NRXN3: variants seen among roughly 807,000 people sequenced by gnomAD.
NRXN3 encodes the protein neurexin 3.
In NRXN3, 32 loss-of-function variants were observed where a neutral mutation model predicts 137.6. The ratio of observed to expected loss-of-function variants is 0.23; its 90% CI spans 0.18 to 0.31. The LOEUF is 0.31. Ranked by LOEUF, NRXN3 falls within the 10% of genes least tolerant of loss-of-function variation. The probability of loss-of-function intolerance (pLI) is 1.00; values close to 1 mark genes in which losing one functional copy is unlikely to be tolerated. For missense variants in NRXN3, 1,574 were observed against 2,062.5 expected (o/e 0.76, Z 4.59); for synonymous variants, 798 against 784.5 (o/e 1.02, Z -0.29).
intron 16 of NRXN3, among the ~76,000 whole-genome samples, chr14:79,536,225 T>A (rs2097210026): frequency 6.6e-6 from 1 of 152,096 alleles, no homozygotes. Flanking sequence ...GGAGGAGGAA[T>A]AAAATGAAGA....
At chr14:78,412,446 A>G (rs1166057035) in intron 4 of NRXN3, among the ~76,000 whole-genome samples, 3 of 152,230 alleles carry the variant, frequency 2.0e-5, no homozygotes, top group South Asian at 2.1e-4. Flanking sequence ...CTTCATCTAC[A>G]TTGATTGATA....
At chr14:79,257,358 G>A (rs866477982) in intron 15 of NRXN3, among the ~76,000 whole-genome samples, 71 of 88,392 alleles carry the variant, frequency 8.0e-4, no homozygotes, top group African/African-American at 1.9e-3. Context: ...GGTGGTGGTG[G>A]TGGTGGTGGT....
chr14:79,595,680 C>T (rs1434779528), intron 16 of NRXN3, among the ~76,000 whole-genome samples: 2 of 151,960 alleles, frequency 1.3e-5, no homozygotes, highest in African/African-American at 2.4e-5. Context: ...AACTTCATAT[C>T]ACGATATAAA....
chr14:79,510,521 G>A (rs1478428528), intron 16 of NRXN3, among the ~76,000 whole-genome samples: 4 of 152,130 alleles, frequency 2.6e-5, no homozygotes, highest in African/African-American at 4.8e-5. Flanking sequence ...TGTTCTTTAC[G>A]TTAACTGAGA....
chr14:79,631,141 A>G (rs966241229), intron 16 of NRXN3, among the ~76,000 whole-genome samples: 5 of 152,248 alleles, frequency 3.3e-5, no homozygotes, highest in Admixed American at 3.3e-4. Context: ...TGTAAAGGGA[A>G]CAGCTAAGAC....
intron 10 of NRXN3, among the ~76,000 whole-genome samples, chr14:78,904,006 A>G (rs1200504741): frequency 6.6e-6 from 1 of 152,070 alleles, no homozygotes; most frequent in Non-Finnish European, 1.5e-5. Context: ...CACTTTACAC[A>G]CACTGTCACA....
chr14:78,815,479 CTTTTTTTT>C (rs61411777), intron 10 of NRXN3, among the ~76,000 whole-genome samples: 27 of 84,460 alleles, frequency 3.2e-4, no homozygotes, highest in African/African-American at 2.5e-4. Context: ...TTGTTTCTTT[CTTTTTTTT>C]TTTTTTTTTT....
At chr14:79,522,989 T>TTTTCTTGCTTACTTGCTTGGTTGC (rs543832766) in intron 16 of NRXN3, among the ~76,000 whole-genome samples, 3,325 of 152,150 alleles carry the variant, frequency 0.022, 52 homozygotes, top group East Asian at 0.074. Flanking sequence ...TTTTGGCTTG[T>TTTTCTTGCTTACTTGCTTGGTTGC]TTTCTTGCTT....
At chr14:78,342,603 T>C (rs1198473322) in intron 4 of NRXN3, among the ~76,000 whole-genome samples, 2 of 152,244 alleles carry the variant, frequency 1.3e-5, no homozygotes, top group African/African-American at 4.8e-5. Flanking sequence ...TACAGACAAT[T>C]AACTTATGGT....
At chr14:78,501,205 C>A (rs1041625061) in intron 4 of NRXN3, among the ~76,000 whole-genome samples, 2 of 152,108 alleles carry the variant, frequency 1.3e-5, no homozygotes, top group African/African-American at 4.8e-5. Flanking sequence ...TCAGGCATAC[C>A]CTTGCTGCGT....
intron 4 of NRXN3, among the ~76,000 whole-genome samples, chr14:78,368,993 C>T (rs1307972448): frequency 6.6e-6 from 1 of 152,142 alleles, no homozygotes; most frequent in African/African-American, 2.4e-5. Flanking sequence ...ACCAGCTCCA[C>T]AGATGAATGG....
chr14:78,182,120 G>GT (rs2059857887), intron 1 of NRXN3, among the ~76,000 whole-genome samples: 1 of 139,726 alleles, frequency 7.2e-6, no homozygotes, highest in Admixed American at 7.4e-5. Flanking sequence ...TGGGGCCGGG[G>GT]GGGACAATGA....
At chr14:79,287,559 G>A (rs1723420575) in intron 15 of NRXN3, among the ~76,000 whole-genome samples, 1 of 152,146 alleles carries the variant, frequency 6.6e-6, no homozygotes, top group African/African-American at 2.4e-5. Flanking sequence ...ACCTTCAGAT[G>A]TGGAAGTGAA....
chr14:79,645,810 T>C (rs1267017959), intron 16 of NRXN3, among the ~76,000 whole-genome samples: 1 of 135,250 alleles, frequency 7.4e-6, no homozygotes, highest in East Asian at 2.0e-4. Context: ...GGACCTGGGA[T>C]ACCAGGCTGA....
intron 16 of NRXN3, among the ~76,000 whole-genome samples, chr14:79,662,333 T>C (rs780897040): frequency 6.6e-5 from 10 of 152,180 alleles, no homozygotes; most frequent in Non-Finnish European, 1.3e-4. Context: ...CCTGCAATGC[T>C]ATGTCTTTCC....
chr14:79,639,044 C>T (rs1326031161), intron 16 of NRXN3, among the ~76,000 whole-genome samples: 2 of 152,098 alleles, frequency 1.3e-5, no homozygotes, highest in African/African-American at 4.8e-5. Context: ...TCATGGGCCT[C>T]CTTCACATAC....
chr14:78,227,544 C>G (rs1049781495), intron 1 of NRXN3, among the ~76,000 whole-genome samples: 1 of 152,178 alleles, frequency 6.6e-6, no homozygotes, highest in Admixed American at 6.5e-5. Context: ...GCTCACAGCA[C>G]AGGAAGCTTT....
chr14:78,742,835 G>T (rs1004455125), intron 8 of NRXN3, among the ~76,000 whole-genome samples: 1 of 152,100 alleles, frequency 6.6e-6, no homozygotes, highest in Admixed American at 6.6e-5. Context: ...AGATTCTAAC[G>T]ATAAGAATGT....
At chr14:79,039,998 C>A (rs1448374961) in intron 15 of NRXN3, among the ~76,000 whole-genome samples, 1 of 152,176 alleles carries the variant, frequency 6.6e-6, no homozygotes, top group Non-Finnish European at 1.5e-5. Flanking sequence ...GCCATCTTTT[C>A]ATTATCTTTC....
Sources: gnomAD v4.1 joint callset for allele counts (sites outside exome capture counted in the v4.1 genomes callset) on GRCh38, gnomAD v4.1.1 for gene constraint, MANE v1.5 for transcripts, NCBI Gene and HGNC (gene_info 2026-07-23, HGNC 2026-07-21) for gene names.